The following SLC2A9 variants were observed in gnomAD, a reference collection of about 807,000 sequenced individuals.
SLC2A9 encodes solute carrier family 2, facilitated glucose transporter member 9.
Under a neutral mutation model 50.6 loss-of-function variants are expected in SLC2A9, and 39 were observed. The observed-to-expected ratio is 0.77, with a 90% CI of 0.60 to 1.01. The LOEUF (loss-of-function observed/expected upper bound fraction) is 1.01. SLC2A9 is among the 50% of genes least tolerant of loss of function. The probability of loss-of-function intolerance (pLI) is 0.00; values close to 1 mark genes in which losing one functional copy is unlikely to be tolerated. For missense variants in SLC2A9, 686 were observed against 677.6 expected, an observed-to-expected ratio of 1.01 and a Z score of -0.14; for synonymous variants, 324 against 276.9, an observed-to-expected ratio of 1.17 and a Z score of -1.69.
chr4:9,997,923 T>C (rs1295972696), intron 2 of SLC2A9, among the ~76,000 whole-genome samples: 1 of 152,108 alleles, frequency 6.6e-6, no homozygotes, highest in African/African-American at 2.4e-5. Context: ...CTATCTACGA[T>C]ATACAAAGAA....
chr4:9,908,223 C>T lies in SLC2A9; in HGVS notation c.1113+12G>A. On this transcript the variant is annotated intron_variant, in intron 8 of 11. Coordinates refer to ENST00000264784, the MANE Select transcript of SLC2A9 (RefSeq NM_020041.3). ...CTGTGGCATTCTCAGGAGTAACCCTCAGTTGACTTACAGAGAAGACGGCAG... is the reference window on the plus strand; with the variant it reads ...CTGTGGCATTCTCAGGAGTAACCCTTAGTTGACTTACAGAGAAGACGGCAG... 2 of 1,582,554 alleles carry T rather than the reference C, an allele frequency of 1.3e-6. No homozygotes were observed.
chr4:10,021,212 C>T (rs985869223), intron 1 of SLC2A9, 68 bp downstream of exon 1: 147 of 1,548,688 alleles, frequency 9.5e-5, no homozygotes, highest in Non-Finnish European at 8.1e-5. Context: ...AGCACTGTCA[C>T]ACGGCTGCCA....
intron 3 of SLC2A9, among the ~76,000 whole-genome samples, chr4:9,784,963 A>T (rs1162308022): frequency 6.6e-6 from 1 of 152,214 alleles, no homozygotes; most frequent in African/African-American, 2.4e-5. Flanking sequence ...TTGTTGAATG[A>T]ATGACTATTT....
intron 7 of SLC2A9, among the ~76,000 whole-genome samples, chr4:9,909,179 A>G (rs752520744): frequency 9.9e-5 from 15 of 152,230 alleles, no homozygotes; most frequent in Non-Finnish European, 1.9e-4. Flanking sequence ...GCCTTGGGAT[A>G]AAAGCCACTT....
intron 3 of SLC2A9, among the ~76,000 whole-genome samples, chr4:9,811,153 G>T (rs115490582): frequency 0.019 from 2,866 of 152,260 alleles, 36 homozygotes; most frequent in Admixed American, 0.025. Flanking sequence ...ATACACAAAT[G>T]ACCTGAATAG....
intron 10 of SLC2A9, among the ~76,000 whole-genome samples, chr4:9,882,711 G>GAAAAA (rs11355082): frequency 1.7e-5 from 2 of 118,926 alleles, no homozygotes; most frequent in Non-Finnish European, 1.6e-5. Context: ...TCTGTCTCAA[G>GAAAAA]AAAAAAAAAA....
intron 3 of SLC2A9, among the ~76,000 whole-genome samples, chr4:9,819,385 G>A (rs1005239774): frequency 6.6e-6 from 1 of 152,104 alleles, no homozygotes; most frequent in African/African-American, 2.4e-5. Flanking sequence ...CAATAGGTTT[G>A]GGATATCTCA....
chr4:9,820,264 A>T (rs547764126), intron 3 of SLC2A9, among the ~76,000 whole-genome samples: 40 of 152,270 alleles, frequency 2.6e-4, no homozygotes, highest in African/African-American at 9.6e-4. Flanking sequence ...AATTCAATTG[A>T]TCATTTTTGT....
At chr4:9,834,084 T>C (rs982236276) in intron 11 of SLC2A9, among the ~76,000 whole-genome samples, 4 of 152,216 alleles carry the variant, frequency 2.6e-5, no homozygotes, top group African/African-American at 4.8e-5. Context: ...ATATTAGCCC[T>C]GCCTAAGGGC....
chr4:9,812,649 G>C (rs1418346100), intron 3 of SLC2A9, among the ~76,000 whole-genome samples: 1 of 152,114 alleles, frequency 6.6e-6, no homozygotes, highest in Non-Finnish European at 1.5e-5. Flanking sequence ...AGGTAGCTGA[G>C]AAGTGCCACA....
intron 8 of SLC2A9, among the ~76,000 whole-genome samples, chr4:9,894,647 G>C (rs1738180841): frequency 6.6e-6 from 1 of 152,138 alleles, no homozygotes; most frequent in African/African-American, 2.4e-5. Flanking sequence ...TATGGTTTTG[G>C]TACAATCTAA....
chr4:9,823,570 T>C (rs1020503076), downstream of SLC2A9, among the ~76,000 whole-genome samples: 1 of 152,184 alleles, frequency 6.6e-6, no homozygotes, highest in African/African-American at 2.4e-5. Context: ...AAAAGTTCTG[T>C]ACTGAAACAC....
chr4:9,967,326 A>G (rs975951783), intron 5 of SLC2A9, among the ~76,000 whole-genome samples: 2 of 152,286 alleles, frequency 1.3e-5, no homozygotes, highest in Middle Eastern at 3.4e-3. Context: ...AAAAGACTAA[A>G]TATCATTGGG....
downstream of SLC2A9, among the ~76,000 whole-genome samples, chr4:9,779,484 G>A (rs895827022): frequency 1.3e-5 from 2 of 149,160 alleles, no homozygotes; most frequent in African/African-American, 2.5e-5. Flanking sequence ...GTGTGATCTC[G>A]GCTCACTGCA....
chr4:9,929,466 T>C (rs1745503944), intron 6 of SLC2A9, among the ~76,000 whole-genome samples: 1 of 152,178 alleles, frequency 6.6e-6, no homozygotes, highest in South Asian at 2.1e-4. Flanking sequence ...CCAGGGGTAT[T>C]AACTCCCTGA....
intron 10 of SLC2A9, among the ~76,000 whole-genome samples, chr4:9,848,893 G>A (rs914488640): frequency 5.3e-5 from 8 of 152,208 alleles, no homozygotes; most frequent in African/African-American, 7.2e-5. Context: ...TAGTAAAGCC[G>A]GGGTTTCTGC....
chr4:9,852,612 T>A (rs1313247270), intron 10 of SLC2A9, among the ~76,000 whole-genome samples: 1 of 152,146 alleles, frequency 6.6e-6, no homozygotes, highest in African/African-American at 2.4e-5. Context: ...CAAACTAAGC[T>A]TCATAAACAA....
chr4:9,851,555 G>A (rs1402991059), intron 10 of SLC2A9, among the ~76,000 whole-genome samples: 1 of 152,154 alleles, frequency 6.6e-6, no homozygotes, highest in Admixed American at 6.5e-5. Flanking sequence ...TAATTCCCCA[G>A]CAATGGTTCT....
At chr4:9,790,278 A>C (rs1299950605) in intron 3 of SLC2A9, among the ~76,000 whole-genome samples, 1 of 152,132 alleles carries the variant, frequency 6.6e-6, no homozygotes, top group African/African-American at 2.4e-5. Flanking sequence ...CTTGGTTGTA[A>C]ATTCCCTCTC....
Sources: allele counts gnomAD v4.1 joint callset (sites outside exome capture counted in the v4.1 genomes callset), GRCh38; gene constraint gnomAD v4.1.1; transcripts MANE v1.5; gene names NCBI Gene and HGNC (gene_info 2026-07-23, HGNC 2026-07-21).